RBMS1: variants seen among roughly 807,000 people sequenced by gnomAD.
RBMS1 encodes RNA-binding motif, single-stranded-interacting protein 1.
RBMS1 carries 17 observed loss-of-function variants against 62.3 expected under a neutral mutation model. The ratio of observed to expected loss-of-function variants is 0.27; its 90% CI spans 0.19 to 0.41. The LOEUF is 0.41. Among genes scored for constraint, RBMS1 ranks in the 10% least tolerant of loss-of-function variants. The probability of loss-of-function intolerance (pLI) is 1.00; values close to 1 mark genes in which losing one functional copy is unlikely to be tolerated. For missense variants in RBMS1, 334 were observed against 504.5 expected (o/e 0.66, Z 3.24); for synonymous variants, 172 against 170.0 (o/e 1.01, Z -0.09).
intron 1 of RBMS1, among the ~76,000 whole-genome samples, chr2:160,410,566 A>G (rs916338977): frequency 3.5e-4 from 53 of 152,362 alleles, no homozygotes; most frequent in Admixed American, 1.4e-3. Flanking sequence ...TAGATTATTC[A>G]TAAGTGCTTA....
intron 2 of RBMS1, among the ~76,000 whole-genome samples, chr2:160,345,419 C>T (rs1427036073): frequency 2.0e-5 from 3 of 151,216 alleles, no homozygotes; most frequent in African/African-American, 7.2e-5. Context: ...AAACCGCCCA[C>T]ACCTGATGAA....
At chr2:160,300,806 C>G in intron 5 of RBMS1, 76 bp from the exon 6 acceptor site, 2 of 1,375,662 alleles carry the variant, frequency 1.5e-6, no homozygotes, top group Non-Finnish European at 1.9e-6. Flanking sequence ...CATGCATAAA[C>G]ATTCTTATAG....
intron 1 of RBMS1, among the ~76,000 whole-genome samples, chr2:160,410,767 C>T (rs752185336): frequency 2.6e-5 from 4 of 151,802 alleles, no homozygotes; most frequent in Non-Finnish European, 2.9e-5. Context: ...TTTTTTGAGA[C>T]GAAGTCTCGC....
chr2:160,318,310 C>G, intron 2 of RBMS1, 83 bp from the exon 3 acceptor site: 2 of 1,428,092 alleles, frequency 1.4e-6, no homozygotes, highest in Non-Finnish European at 1.8e-6. Context: ...ATGCCTAAAT[C>G]CAAAGAACAC....
intron 1 of RBMS1, among the ~76,000 whole-genome samples, chr2:160,409,041 C>G (rs1353359847): frequency 6.6e-6 from 1 of 152,174 alleles, no homozygotes; most frequent in Non-Finnish European, 1.5e-5. Context: ...CTTCTGGCTT[C>G]CCTAAGGAAA....
chr2:160,280,277 A>G (rs1478039658), intron 10 of RBMS1, among the ~76,000 whole-genome samples: 1 of 152,192 alleles, frequency 6.6e-6, no homozygotes, highest in Non-Finnish European at 1.5e-5. Context: ...AGATGTGTCT[A>G]TGTATGTGCA....
intron 7 of RBMS1, among the ~76,000 whole-genome samples, chr2:160,285,893 T>C (rs1574214894): frequency 6.6e-6 from 1 of 151,474 alleles, no homozygotes; most frequent in Non-Finnish European, 1.5e-5. Context: ...GGGTGGATCA[T>C]GAGGCCAGGA....
At chr2:160,484,002 CTTTT>C (rs5835810) in intron 1 of RBMS1, among the ~76,000 whole-genome samples, 10 of 131,660 alleles carry the variant, frequency 7.6e-5, no homozygotes, top group African/African-American at 5.6e-5. Flanking sequence ...GGATAAAATT[CTTTT>C]TTTTTTTTTT....
chr2:160,310,283 T>G (rs527633750), intron 4 of RBMS1, among the ~76,000 whole-genome samples: 1 of 152,240 alleles, frequency 6.6e-6, no homozygotes, highest in African/African-American at 2.4e-5. Flanking sequence ...CACTGCTGCC[T>G]GATCACCAAA....
chr2:160,347,241 T>A (rs745859654), intron 2 of RBMS1, among the ~76,000 whole-genome samples: 2 of 152,130 alleles, frequency 1.3e-5, no homozygotes, highest in African/African-American at 4.8e-5. Flanking sequence ...CCTCTGTAGA[T>A]GTACGAATTC....
intron 1 of RBMS1, among the ~76,000 whole-genome samples, chr2:160,369,045 C>T (rs1336508125): frequency 6.6e-6 from 1 of 152,170 alleles, no homozygotes; most frequent in Non-Finnish European, 1.5e-5. Context: ...CCAAACACCA[C>T]TTTATTTAAA....
intron 6 of RBMS1, among the ~76,000 whole-genome samples, chr2:160,291,507 G>A (rs981537871): frequency 3.9e-5 from 6 of 151,998 alleles, no homozygotes; most frequent in South Asian, 2.1e-4. Flanking sequence ...GCACAACATC[G>A]TTTCCTGTTT....
chr2:160,275,725 C>G lies in RBMS1; in HGVS notation c.1144-11G>C. The G allele has an allele frequency of 6.2e-7, 1 of 1,613,644 alleles. No individual in the cohort carries two copies. Among genetic ancestry groups the G allele is most frequent in the Non-Finnish European group, 8.5e-7 (1 of 1,179,616 alleles). On this transcript the variant is annotated splice_polypyrimidine_tract_variant and intron_variant, in intron 12 of 13. Coordinates refer to ENST00000348849, the MANE Select transcript of RBMS1 (RefSeq NM_016836.4). ...TTGACCACTTGCCTCCTACAACAAA[C>G]AAAGCAGAATGGATGAGACATGTTA... is the stretch of plus-strand genomic sequence containing the variant.
At chr2:160,301,003 A>G (rs1447395986) in intron 5 of RBMS1, among the ~76,000 whole-genome samples, 5 of 152,222 alleles carry the variant, frequency 3.3e-5, no homozygotes, top group Non-Finnish European at 5.9e-5. Context: ...GGATAATTTT[A>G]TTGTAATTGT....
chr2:160,493,542 T>TTCCTCCTCCTCCTCCTCC lies in RBMS1; in HGVS notation c.-197_-180dup. The TTCCTCCTCCTCCTCCTCC allele has an allele frequency of 4.0e-6, 2 of 494,570 alleles. No homozygotes were observed. The highest frequency in any genetic ancestry group is 3.4e-5 in the Admixed American group (1 of 29,440). 30.6% of individuals were successfully genotyped at this position (494,570 alleles called of 1,614,324 possible). A position where few individuals can be genotyped will look rare whatever the true frequency, so the allele number is the denominator to read the frequency against. On this transcript the variant is annotated 5_prime_UTR_variant, in exon 1 of 14. Transcript: ENST00000348849. ...AGACGTCCTCCTCCTCCTCCTCCTC[T>TTCCTCCTCCTCCTCCTCC]TCCTCCTCCTCCTCCTCCTCCTCCT...
At chr2:160,311,351 G>A (rs1243414415) in intron 4 of RBMS1, among the ~76,000 whole-genome samples, 1 of 150,584 alleles carries the variant, frequency 6.6e-6, no homozygotes, top group African/African-American at 2.4e-5. Flanking sequence ...AATGGCAACG[G>A]CTACTTAGAA....
intron 1 of RBMS1, among the ~76,000 whole-genome samples, chr2:160,383,454 G>GGT (rs1559479799): frequency 5.0e-5 from 1 of 19,960 alleles, no homozygotes; most frequent in African/African-American, 1.3e-4. Context: ...GACATGAATT[G>GGT]GGGGGGGGGG....
At chr2:160,318,555 A>G (rs562158511) in intron 2 of RBMS1, among the ~76,000 whole-genome samples, 130 of 152,338 alleles carry the variant, frequency 8.5e-4, no homozygotes, top group Middle Eastern at 3.4e-3. Context: ...TAATAACAGT[A>G]TATCAGTGGT....
At chr2:160,358,152 T>G (rs1692909065) in intron 2 of RBMS1, among the ~76,000 whole-genome samples, 1 of 152,150 alleles carries the variant, frequency 6.6e-6, no homozygotes, top group East Asian at 1.9e-4. Flanking sequence ...AGCTCTCAAC[T>G]CTGCTTTGGT....
Sources: allele counts gnomAD v4.1 joint callset (sites outside exome capture counted in the v4.1 genomes callset), GRCh38; gene constraint gnomAD v4.1.1; transcripts MANE v1.5; gene names NCBI Gene and HGNC (gene_info 2026-07-23, HGNC 2026-07-21).